CELSR1: variants seen among roughly 807,000 people sequenced by gnomAD.
CELSR1 encodes adhesion G protein-coupled receptor C1.
CELSR1 carries 110 observed loss-of-function variants against 249.1 expected under a neutral mutation model. The observed-to-expected ratio is 0.44, with a 90% CI of 0.38 to 0.52. The LOEUF (loss-of-function observed/expected upper bound fraction) is 0.52. Ranked by LOEUF, CELSR1 falls within the 20% of genes least tolerant of loss-of-function variation. The pLI, the probability that CELSR1 is intolerant of heterozygous loss-of-function variation, is 0.00. For missense variants in CELSR1, 4,109 were observed against 4,296.4 expected, an observed-to-expected ratio of 0.96 and a Z score of 1.22; for synonymous variants, 2,113 against 1,900.0, an observed-to-expected ratio of 1.11 and a Z score of -2.92.
In CELSR1 at chr22:46,500,088, ACCCCAGCCC is replaced by A. The variant is rs2080451798; in HGVS notation, c.3544+33530_3544+33538del. Among the ~76,000 whole-genome samples the A allele has an allele frequency of 7.3e-6, 1 of 137,490 alleles. No homozygotes were observed. 90.2% of individuals were successfully genotyped at this position (137,490 alleles called of 152,430 possible). On this transcript the variant is annotated intron_variant, in intron 1 of 34. Transcript: ENST00000674500. This position sits in a 1 kb window ranked among gnomAD's most constrained non-coding sequence, Gnocchi z 4.9. ...AGTCCGGACTCTCTGCTCTGATCCCACCCCAGCCCCTGATCCTCCCAGCATGATCCCACC... is the reference window on the plus strand; with the variant it reads ...AGTCCGGACTCTCTGCTCTGATCCCACTGATCCTCCCAGCATGATCCCACC...
rs2080070603 is a variant in CELSR1, at chr22:46,464,215, G to T, written c.3675C>A (p.Ala1225=). The T allele has an allele frequency of 1.2e-6, 2 of 1,613,720 alleles. No individual in the cohort carries two copies. The highest frequency in any genetic ancestry group is 1.7e-6 in the Non-Finnish European group (2 of 1,180,026). The part of the protein sequence containing the change: ...SQEKFLSPLL[A]LFVEGVAAVL... Reference sequence around the variant, plus strand: ...CGGCGGCCACCCCCTCCACGAAGAGGGCCAGCAGCGGGGACAGGAACTTCT... The same window carrying T: ...CGGCGGCCACCCCCTCCACGAAGAGTGCCAGCAGCGGGGACAGGAACTTCT... Residue 1225 remains alanine (A), a synonymous_variant, in exon 2 of 35, where the codon GCC becomes GCA. Coordinates refer to ENST00000674500, the MANE Select transcript of CELSR1 (RefSeq NM_001378328.1). This position sits in a 1 kb window ranked among gnomAD's most constrained non-coding sequence, Gnocchi z 8.5.
In CELSR1 at chr22:46,447,839, C is replaced by T. The variant is rs192885938; in HGVS notation, c.4184-8428G>A. Among the ~76,000 whole-genome samples, 52 of 152,320 alleles carry T rather than the reference C, an allele frequency of 3.4e-4. No individual in the cohort carries two copies. Among genetic ancestry groups the T allele is most frequent in the East Asian group, 1.5e-3 (8 of 5,172 alleles). On this transcript the variant is annotated intron_variant, in intron 2 of 34. Coordinates refer to ENST00000674500, the MANE Select transcript of CELSR1 (RefSeq NM_001378328.1). The surrounding 1 kb of genome is among the most constrained non-coding windows in gnomAD (Gnocchi z 4.7). ...TTCACCATGTTGGCCAGGCTGGTCT[C>T]GAACTCCTGACCTCAGGTGATCTGC...
rs969947703 is a variant in CELSR1, at chr22:46,536,784, C to CCCGCAGAGCCGGGCACCGGTT, written c.366_386dup (p.Thr123_Gly129dup). On this transcript the variant is annotated inframe_insertion, in exon 1 of 35. Coordinates refer to ENST00000674500, the MANE Select transcript of CELSR1 (RefSeq NM_001378328.1). ...CGCCGGGGACGGGGAAGCAGAGCGC[C>CCCGCAGAGCCGGGCACCGGTT]CCGCAGAGCCGGGCACCGGTTCCGC... is the stretch of plus-strand genomic sequence containing the variant. 1.3e-3 allele frequency: 1,567 copies of CCCGCAGAGCCGGGCACCGGTT among 1,187,450 alleles called. 4 individuals carry two copies. Among genetic ancestry groups the CCCGCAGAGCCGGGCACCGGTT allele is most frequent in the Middle Eastern group, 7.2e-3 (21 of 2,914 alleles). The allele number at this position is 1,187,450 out of a possible 1,614,324, so 73.6% of individuals were successfully genotyped here.
Position 46,408,883 on chromosome 22 carries a change from C to G in CELSR1, c.5226+113G>C. 1 of 834,050 alleles carries G rather than the reference C, an allele frequency of 1.2e-6. No homozygotes were observed. The highest frequency in any genetic ancestry group is 1.8e-6 in the Non-Finnish European group (1 of 557,346). 51.7% of individuals were successfully genotyped at this position (834,050 alleles called of 1,614,324 possible). On this transcript the variant is annotated intron_variant, in intron 9 of 34. Coordinates refer to ENST00000674500, the MANE Select transcript of CELSR1 (RefSeq NM_001378328.1). The surrounding 1 kb of genome is among the most constrained non-coding windows in gnomAD (Gnocchi z 4.6). The stretch of plus-strand genomic sequence containing the variant: ...TTCGGAGAACCCCAGGGGCGGGCGC[C>G]GGAGGAAGGGCGAGTAGCAGGTGCC...
Position 46,437,683 on chromosome 22 carries a change from G to T in CELSR1, c.4407-1394C>A, listed in dbSNP as rs376797872. Among the ~76,000 whole-genome samples the T allele has an allele frequency of 6.6e-6, 1 of 151,288 alleles. No homozygotes were observed. The highest frequency in any genetic ancestry group is 1.5e-5 in the Non-Finnish European group (1 of 67,874). On this transcript the variant is annotated intron_variant, in intron 3 of 34. Transcript: ENST00000674500. The surrounding 1 kb of genome is among the most constrained non-coding windows in gnomAD (Gnocchi z 4.9). ...GGAGAATTGCTTGAACCTGGGAGGC[G>T]GAAGTTGCAGTGAGCCGAGATCATA... is the stretch of plus-strand genomic sequence containing the variant.
At position 46,406,994 on chromosome 22, in the gene CELSR1, C is replaced by A. The variant is rs111576979; in HGVS notation, c.5226+2002G>T. On this transcript the variant is annotated intron_variant, in intron 9 of 34. Transcript: ENST00000674500. The surrounding 1 kb of genome is among the most constrained non-coding windows in gnomAD (Gnocchi z 5.4). ...CGCCGCTTTGGGAGGGACTTCCTGA[C>A]CGCAGGAGCGGGGAGGGGGGGTCAT... Among the ~76,000 whole-genome samples the A allele has an allele frequency of 0.011, 1,650 of 152,314 alleles. 31 individuals are homozygous for A. The highest frequency in any genetic ancestry group is 0.037 in the African/African-American group (1,543 of 41,566).
intron 5 of CELSR1, among the ~76,000 whole-genome samples, chr22:46,420,191 T>G (rs984479251): frequency 8.0e-5 from 12 of 149,136 alleles, no homozygotes; most frequent in Admixed American, 1.3e-4. Flanking sequence ...TACTCACATG[T>G]GCACACCTAC....
intron 25 of CELSR1, among the ~76,000 whole-genome samples, chr22:46,370,862 A>T (rs1345281918): frequency 1.3e-5 from 2 of 152,238 alleles, no homozygotes; most frequent in African/African-American, 2.4e-5. Context: ...AAGATCTTGT[A>T]CAAGACAGAC....
At position 46,410,406 on chromosome 22, in the gene CELSR1, G is replaced by A. The variant is rs1288070949; in HGVS notation, c.4925C>T (p.Thr1642Ile). 1 of 1,613,556 alleles carries A rather than the reference G, an allele frequency of 6.2e-7. No individual in the cohort carries two copies. The highest frequency in any genetic ancestry group is 8.5e-7 in the Non-Finnish European group (1 of 1,179,764). Residue 1642 changes from threonine to isoleucine, a missense_variant, in exon 7 of 35, where the codon ACC becomes ATC. Around this residue, in one of 7 missense-constraint regions of CELSR1, gnomAD observed 453 missense variants for 492.0 expected, o/e 0.92. Coordinates refer to ENST00000674500, the MANE Select transcript of CELSR1 (RefSeq NM_001378328.1). This position sits in a 1 kb window ranked among gnomAD's most constrained non-coding sequence, Gnocchi z 6.8. ...DMAGFIANNG[T>I]REGCAARRNF... ...CTGACGGCCACCCGTACCTTCCCGG[G>A]TGCCATTGTTGGCGATGAATCCGGC... is the stretch of plus-strand genomic sequence containing the variant.
At position 46,495,252 on chromosome 22, in the gene CELSR1, A is replaced by G. The variant is rs542101091; in HGVS notation, c.3545-30907T>C. On this transcript the variant is annotated intron_variant, in intron 1 of 34. Coordinates refer to ENST00000674500, the MANE Select transcript of CELSR1 (RefSeq NM_001378328.1). ...GTATAACCAACTGCTTCCAAGCTACACACCTGTACAGCATGTTACTGTACT... is the reference window on the plus strand; with the variant it reads ...GTATAACCAACTGCTTCCAAGCTACGCACCTGTACAGCATGTTACTGTACT... 2.4e-4 allele frequency among the ~76,000 whole-genome samples: 36 copies of G among 152,350 alleles called. No individual in the cohort carries two copies. The South Asian group carries it at 7.2e-3, about 31-fold the overall frequency.
chr22:46,414,280 G>A (rs377107665), intron 5 of CELSR1, among the ~76,000 whole-genome samples: 29 of 152,166 alleles, frequency 1.9e-4, no homozygotes, highest in Admixed American at 6.6e-4. Flanking sequence ...ACCCACCGGC[G>A]GCCACTGGGT....
chr22:46,533,837 C>T lies in CELSR1; in HGVS notation c.3334G>A (p.Val1112Ile). The T allele has an allele frequency of 3.1e-6, 5 of 1,613,904 alleles. No homozygotes were observed. The South Asian group carries it at 5.5e-5, about 18-fold the overall frequency. ...GGGAAACTGTTGGACTTGTTGGTGA[C>T]ATAGTTGTTGAAGAGGATCTGGAAG... ...PDFQILFNNY[V>I]TNKSNSFPTG... Residue 1112 changes from valine (V) to isoleucine (I), a missense_variant, in exon 1 of 35, where the codon GTC becomes ATC. Transcript: ENST00000674500.
At position 46,518,419 on chromosome 22, in the gene CELSR1, T is replaced by C. The variant is rs2080650823; in HGVS notation, c.3544+15208A>G. Among the ~76,000 whole-genome samples, 1 of 152,202 alleles carries C rather than the reference T, an allele frequency of 6.6e-6. No homozygotes were observed. The highest frequency in any genetic ancestry group is 1.5e-5 in the Non-Finnish European group (1 of 68,036). Reference sequence around the variant, plus strand: ...ATTGCACTGCGACAAGGCAAACCGATGGTGTGCTCGGGCATTCGGGTGGAC... The same window carrying C: ...ATTGCACTGCGACAAGGCAAACCGACGGTGTGCTCGGGCATTCGGGTGGAC... On this transcript the variant is annotated intron_variant, in intron 1 of 34. Transcript: ENST00000674500. This position sits in a 1 kb window ranked among gnomAD's most constrained non-coding sequence, Gnocchi z 5.2.
chr22:46,454,229 C>G lies in CELSR1; in HGVS notation c.4183+9478G>C, dbSNP rs993188796. Among the ~76,000 whole-genome samples the G allele has an allele frequency of 6.6e-6, 1 of 152,172 alleles. No individual in the cohort carries two copies. Among genetic ancestry groups the G allele is most frequent in the Non-Finnish European group, 1.5e-5 (1 of 68,014 alleles). On this transcript the variant is annotated intron_variant, in intron 2 of 34. Transcript: ENST00000674500. The surrounding 1 kb of genome is among the most constrained non-coding windows in gnomAD (Gnocchi z 5.1). ...GCAGGAGGCCCTCCCCAGGGCCTCCCGGAGCAGCCCCGCCCACGCCCCTGA... is the reference window on the plus strand; with the variant it reads ...GCAGGAGGCCCTCCCCAGGGCCTCCGGGAGCAGCCCCGCCCACGCCCCTGA...
rs1458258487 is a variant in CELSR1, at chr22:46,488,874, T to TG, written c.3545-24530dup. ...CGGGGTTTCACCGTGTTAGCCAGGA[T>TG]GGTCTCGATCTCCTGACCTCATGAT... On this transcript the variant is annotated intron_variant, in intron 1 of 34. Coordinates refer to ENST00000674500, the MANE Select transcript of CELSR1 (RefSeq NM_001378328.1). The surrounding 1 kb of genome is among the most constrained non-coding windows in gnomAD (Gnocchi z 4.7). Among the ~76,000 whole-genome samples the TG allele has an allele frequency of 2.0e-5, 3 of 152,042 alleles. No individual in the cohort carries two copies. Among genetic ancestry groups the TG allele is most frequent in the Non-Finnish European group, 4.4e-5 (3 of 68,006 alleles).
chr22:46,372,727 C>T (rs1291352607), intron 25 of CELSR1, among the ~76,000 whole-genome samples, 156 bp downstream of exon 25: 2 of 152,162 alleles, frequency 1.3e-5, no homozygotes, highest in Non-Finnish European at 2.9e-5. Flanking sequence ...TGCCCCTGTG[C>T]ATGCACTCGC....
intron 18 of CELSR1, among the ~76,000 whole-genome samples, chr22:46,388,535 G>A (rs1309032156): frequency 2.0e-5 from 3 of 151,964 alleles, no homozygotes; most frequent in Non-Finnish European, 1.5e-5. Flanking sequence ...ATGGACTGGA[G>A]GCCCTTTGTG....
rs1401551469 is a variant in CELSR1, at chr22:46,448,576, C to T, written c.4184-9165G>A. 1 of 438,206 alleles carries T rather than the reference C, an allele frequency of 2.3e-6. No homozygotes were observed. The highest frequency in any genetic ancestry group is 3.3e-4 in the Middle Eastern group (1 of 2,986). 27.1% of individuals were successfully genotyped at this position (438,206 alleles called of 1,614,324 possible). A position where few individuals can be genotyped will look rare whatever the true frequency, so the allele number is the denominator to read the frequency against. Reference sequence around the variant, plus strand: ...TCTGGTCCTAAGAAACAGCTAAGAGCTTTGAACTAGAAAAACTAGAATTTC... The same window carrying T: ...TCTGGTCCTAAGAAACAGCTAAGAGTTTTGAACTAGAAAAACTAGAATTTC... On this transcript the variant is annotated intron_variant, in intron 2 of 34. Coordinates refer to ENST00000674500, the MANE Select transcript of CELSR1 (RefSeq NM_001378328.1). The surrounding 1 kb of genome is among the most constrained non-coding windows in gnomAD (Gnocchi z 5.7).
rs749104524 is a variant in CELSR1 at position 46,527,413 on chromosome 22, G to A, written c.3544+6214C>T. On this transcript the variant is annotated intron_variant, in intron 1 of 34. Coordinates refer to ENST00000674500, the MANE Select transcript of CELSR1 (RefSeq NM_001378328.1). This position sits in a 1 kb window ranked among gnomAD's most constrained non-coding sequence, Gnocchi z 5.5. ...TCCACAGTCAGCCCTCTCTCGACCC[G>A]GGGGATCCATCTGACTCCCGGTCTC... Among the ~76,000 whole-genome samples the A allele has an allele frequency of 4.1e-4, 62 of 152,174 alleles. 1 individual carries two copies. Among genetic ancestry groups the A allele is most frequent in the South Asian group, 2.1e-3 (10 of 4,818 alleles).
Sources: allele counts gnomAD v4.1 joint callset (sites outside exome capture counted in the v4.1 genomes callset), GRCh38; gene constraint gnomAD v4.1.1; regional missense constraint gnomAD v4.1.1; non-coding constraint Gnocchi (gnomAD v3.1); transcripts MANE v1.5; gene names NCBI Gene and HGNC (gene_info 2026-07-23, HGNC 2026-07-21).